PKP4: variants seen among roughly 807,000 people sequenced by gnomAD.
The protein encoded by PKP4 is plakophilin 4.
In PKP4, 90 loss-of-function variants were observed where a neutral mutation model predicts 145.1. That is an observed-to-expected ratio of 0.62 (90% CI 0.52 to 0.74). PKP4 has a LOEUF of 0.74. Among genes scored for constraint, PKP4 ranks in the 30% least tolerant of loss-of-function variants. The pLI is 0.00. For missense variants in PKP4, 1,340 were observed against 1,482.7 expected (o/e 0.90, Z 1.58); for synonymous variants, 563 against 577.2 (o/e 0.98, Z 0.35).
Position 158,625,170 on chromosome 2 carries a change from C to T in PKP4, c.896C>T (p.Pro299Leu). ...GTCACCTCCCGGCAGACCTCCAATCCCAACGGACCAACCCCTCAATACCAA... is the reference window on the plus strand; with the variant it reads ...GTCACCTCCCGGCAGACCTCCAATCTCAACGGACCAACCCCTCAATACCAA... ...GSVTSRQTSN[P>L]NGPTPQYQTT... The change falls in exon 7 of 22, where the codon CCC (proline) becomes CTC (leucine). Residue 299 changes from proline to leucine, a missense_variant. Transcript: ENST00000389759. 2 of 1,614,184 alleles carry T rather than the reference C, an allele frequency of 1.2e-6. No individual in the cohort carries two copies.
At chr2:158,654,275 T>A (rs2055693139) in intron 11 of PKP4, among the ~76,000 whole-genome samples, 1 of 152,182 alleles carries the variant, frequency 6.6e-6, no homozygotes, top group South Asian at 2.1e-4. Flanking sequence ...TTTTGGTGGG[T>A]CCCTTGAACA....
At chr2:158,481,739 T>G (rs1261376755) in intron 1 of PKP4, among the ~76,000 whole-genome samples, 1 of 152,258 alleles carries the variant, frequency 6.6e-6, no homozygotes, top group East Asian at 1.9e-4. Flanking sequence ...ATTGACGTAT[T>G]TCAAGTGCTA....
intron 3 of PKP4, among the ~76,000 whole-genome samples, chr2:158,594,979 T>C (rs2049597593): frequency 6.6e-6 from 1 of 152,186 alleles, no homozygotes; most frequent in African/African-American, 2.4e-5. Flanking sequence ...TTCACCTTAC[T>C]GAACTAGCTT....
At chr2:158,487,079 C>G (rs1694271387) in intron 1 of PKP4, among the ~76,000 whole-genome samples, 2 of 152,184 alleles carry the variant, frequency 1.3e-5, no homozygotes, top group Non-Finnish European at 2.9e-5. Flanking sequence ...TAAAGCATAC[C>G]TATAAACTGG....
intron 1 of PKP4, among the ~76,000 whole-genome samples, chr2:158,499,023 A>G (rs895133425): frequency 6.6e-6 from 1 of 152,086 alleles, no homozygotes; most frequent in African/African-American, 2.4e-5. Context: ...GATTCAAAAC[A>G]GTTGTAGAAT....
intron 11 of PKP4, among the ~76,000 whole-genome samples, chr2:158,650,236 A>G (rs965823257): frequency 5.9e-5 from 9 of 152,198 alleles, no homozygotes; most frequent in Admixed American, 5.9e-4. Context: ...TGTGTCCCAT[A>G]TGGGCAATTC....
chr2:158,580,061 A>C (rs1204579360), intron 3 of PKP4, among the ~76,000 whole-genome samples: 1 of 152,214 alleles, frequency 6.6e-6, no homozygotes, highest in Non-Finnish European at 1.5e-5. Flanking sequence ...ATTTTATTCA[A>C]GAGCCATCTG....
chr2:158,631,671 G>T, intron 7 of PKP4, 82 bp from the exon 8 acceptor site: 1 of 1,223,846 alleles, frequency 8.2e-7, no homozygotes. Context: ...GATTACAGGG[G>T]TTAGGAATTT....
intron 16 of PKP4, among the ~76,000 whole-genome samples, chr2:158,667,005 A>G (rs1049012568): frequency 6.6e-6 from 1 of 150,780 alleles, no homozygotes; most frequent in Non-Finnish European, 1.5e-5. Flanking sequence ...TCTTTATCCC[A>G]GAGAAGAACC....
intron 3 of PKP4, among the ~76,000 whole-genome samples, chr2:158,583,968 G>C (rs564969407): frequency 1.3e-5 from 2 of 152,090 alleles, no homozygotes; most frequent in African/African-American, 4.8e-5. Flanking sequence ...GAAACAGGTC[G>C]TCTACAAATG....
chr2:158,514,966 A>G (rs950269029), intron 1 of PKP4, among the ~76,000 whole-genome samples: 1 of 152,220 alleles, frequency 6.6e-6, no homozygotes, highest in South Asian at 2.1e-4. Flanking sequence ...AAATTACTCA[A>G]TGCATCATTG....
At chr2:158,466,930 G>GTT (rs1690714814) in intron 1 of PKP4, among the ~76,000 whole-genome samples, 1 of 152,156 alleles carries the variant, frequency 6.6e-6, no homozygotes, top group South Asian at 2.1e-4. Flanking sequence ...TGTATACTCA[G>GTT]TTGAAGAGTT....
intron 9 of PKP4, 111 bp from the exon 10 acceptor site, chr2:158,640,516 A>G (rs887196063): frequency 2.6e-6 from 3 of 1,157,370 alleles, no homozygotes; most frequent in Non-Finnish European, 1.2e-6. Flanking sequence ...GGATTTTTGT[A>G]ACTTCCCATT....
intron 17 of PKP4, among the ~76,000 whole-genome samples, chr2:158,670,145 C>T (rs1402954609): frequency 6.6e-6 from 1 of 152,220 alleles, no homozygotes; most frequent in Non-Finnish European, 1.5e-5. Context: ...CTCACTCCTA[C>T]ATTGGTATTT....
chr2:158,535,356 A>C (rs534786312), intron 2 of PKP4, among the ~76,000 whole-genome samples: 1 of 152,314 alleles, frequency 6.6e-6, no homozygotes, highest in South Asian at 2.1e-4. Flanking sequence ...CAATTGCAAT[A>C]AATGTTGGTC....
chr2:158,669,606 A>T, intron 16 of PKP4, 114 bp from the exon 17 acceptor site: 1 of 772,322 alleles, frequency 1.3e-6, no homozygotes, highest in Non-Finnish European at 1.9e-6. Context: ...TTCCCCTATT[A>T]TTGTCTCTTT....
In PKP4 at chr2:158,625,232, G is replaced by T; in HGVS notation, c.958G>T (p.Asp320Tyr). ...AGTGGGGTCCCCACTGACCCTGACGGATGCACAGACTCGAGTAGCTTCCCC... is the reference window on the plus strand; with the variant it reads ...AGTGGGGTCCCCACTGACCCTGACGTATGCACAGACTCGAGTAGCTTCCCC... ...ARVGSPLTLT[D>Y]AQTRVASPSQ... The change falls in exon 7 of 22, where the codon GAT becomes TAT. Residue 320 changes from aspartate (D) to tyrosine (Y), a missense_variant. Asp to Tyr is a radical substitution (Grantham distance 160). Transcript: ENST00000389759. 1 of 1,614,160 alleles carries T rather than the reference G, an allele frequency of 6.2e-7. No individual in the cohort carries two copies. The highest frequency in any genetic ancestry group is 8.5e-7 in the Non-Finnish European group (1 of 1,180,032).
rs140254256 is a variant in PKP4, at chr2:158,480,306, G to A, written c.-6+23088G>A. 5.1e-3 allele frequency among the ~76,000 whole-genome samples: 768 copies of A among 152,042 alleles called. 5 individuals are homozygous for A. The highest frequency in any genetic ancestry group is 0.018 in the African/African-American group (739 of 41,462). On this transcript the variant is annotated intron_variant, in intron 1 of 21. Transcript: ENST00000389759. ...GGCTGGAGTGCAATAGTGCGATCTC[G>A]GCTCACTGCAACCTCTGCCTCCTGG... is the stretch of plus-strand genomic sequence containing the variant.
chr2:158,557,116 G>T (rs1464460590), intron 2 of PKP4, among the ~76,000 whole-genome samples: 1 of 149,314 alleles, frequency 6.7e-6, no homozygotes, highest in Non-Finnish European at 1.5e-5. Context: ...TATTCCTCGT[G>T]GGGTTATTGT....
Sources: gnomAD v4.1 joint callset for allele counts (sites outside exome capture counted in the v4.1 genomes callset) on GRCh38, gnomAD v4.1.1 for gene constraint, MANE v1.5 for transcripts, NCBI Gene and HGNC (gene_info 2026-07-23, HGNC 2026-07-21) for gene names.